RAVER2: variants seen among roughly 807,000 people sequenced by gnomAD.
The protein encoded by RAVER2 is ribonucleoprotein PTB-binding 2.
A neutral mutation model predicts 78.1 loss-of-function variants in RAVER2; 46 were observed. The observed-to-expected ratio is 0.59, with a 90% CI of 0.46 to 0.75. The LOEUF is 0.75. Among genes scored for constraint, RAVER2 ranks in the 30% least tolerant of loss-of-function variants. RAVER2 has a pLI of 0.00. For synonymous variants in RAVER2, 311 were observed against 313.3 expected (o/e 0.99, Z 0.08); for missense variants, 793 against 837.5 (o/e 0.95, Z 0.66).
chr1:64,791,197 C>G (rs1434208663), intron 5 of RAVER2, among the ~76,000 whole-genome samples: 1 of 152,200 alleles, frequency 6.6e-6, no homozygotes, highest in East Asian at 1.9e-4. Flanking sequence ...CCATGTCACC[C>G]TCCCAACACA....
intron 2 of RAVER2, among the ~76,000 whole-genome samples, chr1:64,775,839 C>T (rs746679711): frequency 5.9e-5 from 9 of 151,718 alleles, no homozygotes; most frequent in South Asian, 4.2e-4. Flanking sequence ...ACCAACATGG[C>T]GCAACCCCAT....
chr1:64,745,365 C>A lies in RAVER2; in HGVS notation c.193C>A (p.Leu65Met). 6.5e-7 allele frequency: 1 copy of A among 1,543,654 alleles called. No homozygotes were observed. Among genetic ancestry groups the A allele is most frequent in the Non-Finnish European group, 8.7e-7 (1 of 1,143,806 alleles). ...GCGACTGCAGCGGATGCAGCGGGAG[C>A]TGAGCAACCGCAGGAAAATCCTGGT... The change falls in exon 1 of 12, where the codon CTG becomes ATG. Residue 65 changes from leucine (L) to methionine (M), a missense_variant. Physicochemically the swap from Leu to Met is conservative, Grantham distance 15. Transcript: ENST00000294428. The surrounding 1 kb of genome is among the most constrained non-coding windows in gnomAD (Gnocchi z 4.3).
At chr1:64,824,132 T>C (rs528375727) in intron 11 of RAVER2, among the ~76,000 whole-genome samples, 21 of 152,278 alleles carry the variant, frequency 1.4e-4, no homozygotes, top group Non-Finnish European at 2.5e-4. Context: ...ATTTAACACT[T>C]GCCATATGTG....
At chr1:64,797,931 T>A (rs1653141850) in intron 5 of RAVER2, among the ~76,000 whole-genome samples, 1 of 152,080 alleles carries the variant, frequency 6.6e-6, no homozygotes, top group African/African-American at 2.4e-5. Context: ...TTTCTTTTTT[T>A]TTTTATTATA....
chr1:64,817,924 T>C (rs1653793247), intron 11 of RAVER2, among the ~76,000 whole-genome samples: 1 of 152,154 alleles, frequency 6.6e-6, no homozygotes, highest in South Asian at 2.1e-4. Flanking sequence ...TTGTGAGATT[T>C]AAATGATCAC....
chr1:64,789,521 A>G lies in RAVER2; in HGVS notation c.1105+7A>G. The G allele has an allele frequency of 1.3e-6, 2 of 1,594,434 alleles. No homozygotes were observed. The highest frequency in any genetic ancestry group is 1.7e-6 in the Non-Finnish European group (2 of 1,170,474). On this transcript the variant is annotated splice_region_variant and intron_variant, in intron 5 of 11. Coordinates refer to ENST00000294428, the Ensembl canonical transcript of RAVER2. ...GGACGAGCTGTTAAACCAGGTATGG[A>G]CCATGTATGTATACTGATTAATTAA...
intron 1 of RAVER2, among the ~76,000 whole-genome samples, chr1:64,761,901 G>C (rs896399844): frequency 1.3e-5 from 2 of 151,944 alleles, no homozygotes; most frequent in Non-Finnish European, 1.5e-5. Flanking sequence ...CTTGAGCCCA[G>C]GAGTTTGAGA....
At chr1:64,832,802 T>G (rs1429515274) in exon 12 of RAVER2, 1 of 152,192 alleles carries the variant, frequency 6.6e-6, no homozygotes, top group East Asian at 1.9e-4. Flanking sequence ...TAATGGGTTT[T>G]TCAGGCCCTG....
At position 64,813,828 on chromosome 1, in the gene RAVER2, GACACACACACACACACACAC is replaced by G. The variant is rs10566575; in HGVS notation, c.1793-849_1793-830del. Among the ~76,000 whole-genome samples, 64 of 146,008 alleles carry G rather than the reference GACACACACACACACACACAC, an allele frequency of 4.4e-4. No individual in the cohort carries two copies. In the East Asian group the frequency reaches 4.4e-3, roughly 10 times the overall value. Reference sequence around the variant, plus strand: ...TTTATATGCCTTGTTTTAGAGACTAGACACACACACACACACACACACACACACACACACACACACACACA... The same window carrying G: ...TTTATATGCCTTGTTTTAGAGACTAGACACACACACACACACACACACACA... On this transcript the variant is annotated intron_variant, in intron 10 of 11. Coordinates refer to ENST00000294428, the Ensembl canonical transcript of RAVER2.
rs576689054 is a variant in RAVER2, at chr1:64,763,292, A to G, written c.250-5364A>G. 2.3e-3 allele frequency among the ~76,000 whole-genome samples: 350 copies of G among 152,204 alleles called. 1 individual carries two copies. Among genetic ancestry groups the G allele is most frequent in the African/African-American group, 7.5e-3 (311 of 41,530 alleles). On this transcript the variant is annotated intron_variant, in intron 1 of 11. Transcript: ENST00000294428. ...AGCCTGGGCGACAGAGCGAGACTCC[A>G]TCTCAAAAAAAAGAAAAATTCTACG...
At chr1:64,782,163 C>G (rs528154620) in intron 4 of RAVER2, among the ~76,000 whole-genome samples, 16 of 152,352 alleles carry the variant, frequency 1.1e-4, no homozygotes, top group African/African-American at 3.1e-4. Flanking sequence ...CTCAGCCTCC[C>G]AAAGTGCTGT....
chr1:64,779,401 A>T (rs1240756639), intron 3 of RAVER2, among the ~76,000 whole-genome samples: 2 of 151,190 alleles, frequency 1.3e-5, no homozygotes, highest in African/African-American at 4.9e-5. Flanking sequence ...TTTTTTTTTG[A>T]GACAGGGTCT....
rs191565417 is a variant in RAVER2, at chr1:64,801,144, G to T, written c.1106-1832G>T. On this transcript the variant is annotated intron_variant, in intron 5 of 11. Coordinates refer to ENST00000294428, the Ensembl canonical transcript of RAVER2. The stretch of plus-strand genomic sequence containing the variant: ...AATGGAGTCTCACTCTGTCAGCCAG[G>T]CTGGAGTGTAATGGCGTGATCTCAG... 7.3e-5 allele frequency among the ~76,000 whole-genome samples: 11 copies of T among 151,302 alleles called. No homozygotes were observed. The East Asian group carries it at 2.1e-3, about 29-fold the overall frequency.
At chr1:64,747,483 A>G (rs1651571521) in intron 1 of RAVER2, among the ~76,000 whole-genome samples, 1 of 151,830 alleles carries the variant, frequency 6.6e-6, no homozygotes, top group Admixed American at 6.6e-5. Flanking sequence ...TTTCCAGAAG[A>G]GACTGTGTTT....
At chr1:64,769,711 A>G (rs1652263789) in intron 2 of RAVER2, among the ~76,000 whole-genome samples, 1 of 152,062 alleles carries the variant, frequency 6.6e-6, no homozygotes. Context: ...CCTAGGTCTC[A>G]GAGTGACTAT....
chr1:64,823,575 T>C (rs979554197), intron 11 of RAVER2, among the ~76,000 whole-genome samples: 1 of 152,196 alleles, frequency 6.6e-6, no homozygotes, highest in African/African-American at 2.4e-5. Flanking sequence ...TTGGGAGAAG[T>C]CTACCTTAAA....
chr1:64,794,668 A>G (rs749663766), intron 5 of RAVER2, among the ~76,000 whole-genome samples: 9 of 151,992 alleles, frequency 5.9e-5, no homozygotes, highest in Non-Finnish European at 1.2e-4. Context: ...TGTCTTTTCA[A>G]ATATTTTGCA....
intron 11 of RAVER2, chr1:64,815,121 T>G (rs913047463): frequency 5.0e-5 from 10 of 199,624 alleles, no homozygotes; most frequent in Non-Finnish European, 9.1e-5. Flanking sequence ...GTAAATAAAT[T>G]TGTATTGTAA....
intron 4 of RAVER2, 117 bp from the exon 5 acceptor site, chr1:64,789,269 TTA>T: frequency 1.2e-6 from 1 of 849,862 alleles, no homozygotes; most frequent in African/African-American, 1.7e-5. Context: ...ATAAATCAAA[TTA>T]TGTTTATCAT....
Sources: gnomAD v4.1 joint callset for allele counts (sites outside exome capture counted in the v4.1 genomes callset) on GRCh38, gnomAD v4.1.1 for gene constraint, Gnocchi (gnomAD v3.1) non-coding constraint, MANE v1.5 for transcripts, NCBI Gene and HGNC (gene_info 2026-07-23, HGNC 2026-07-21) for gene names.